Variants in PTPRN2 observed in about 807,000 individuals in gnomAD.
PTPRN2 encodes the protein protein tyrosine phosphatase receptor type N2, also known as receptor-type tyrosine-protein phosphatase N2.
Under a neutral mutation model 118.8 loss-of-function variants are expected in PTPRN2, and 74 were observed. The ratio of observed to expected loss-of-function variants is 0.62; its 90% CI spans 0.52 to 0.76. The LOEUF is 0.76. PTPRN2 is among the 30% of genes least tolerant of loss of function. The pLI is 0.00. For missense variants in PTPRN2, 1,481 were observed against 1,394.4 expected, an observed-to-expected ratio of 1.06 and a Z score of -0.99; for synonymous variants, 641 against 608.0, an observed-to-expected ratio of 1.05 and a Z score of -0.80.
chr7:158,581,360 G>C (rs976027502), intron 1 of PTPRN2, among the ~76,000 whole-genome samples: 1 of 152,196 alleles, frequency 6.6e-6, no homozygotes, highest in Non-Finnish European at 1.5e-5. Flanking sequence ...AGGGGTTCAA[G>C]ATTTGGGGGT....
At chr7:158,567,574 T>A (rs752400159) in intron 1 of PTPRN2, among the ~76,000 whole-genome samples, 5 of 152,146 alleles carry the variant, frequency 3.3e-5, no homozygotes, top group Non-Finnish European at 7.4e-5. Flanking sequence ...CACAAGTAGG[T>A]CCCCAATTAA....
chr7:157,870,641 A>T (rs1011577252), intron 12 of PTPRN2, among the ~76,000 whole-genome samples: 3 of 152,236 alleles, frequency 2.0e-5, no homozygotes, highest in Non-Finnish European at 4.4e-5. Flanking sequence ...TTTGAAATCC[A>T]TGCATAGTTT....
chr7:158,120,863 C>A (rs1032043961), intron 9 of PTPRN2, among the ~76,000 whole-genome samples: 1 of 152,176 alleles, frequency 6.6e-6, no homozygotes, highest in Non-Finnish European at 1.5e-5. Flanking sequence ...GGCGGGGCTA[C>A]AAAGACAAAC....
rs1249531237 is a variant in PTPRN2 at position 157,646,946 on chromosome 7, G to C, written c.2196+9411C>G. On this transcript the variant is annotated intron_variant, in intron 14 of 22. Coordinates refer to ENST00000389418, the MANE Select transcript of PTPRN2 (RefSeq NM_002847.5). ...AACTCGGTGGGTCAGACCCATCCAG[G>C]GTGCACTGAACTCGGTGGGTTGGAC... Among the ~76,000 whole-genome samples the C allele has an allele frequency of 2.2e-3, 253 of 112,714 alleles. 6 individuals are homozygous for C. The highest frequency in any genetic ancestry group is 0.016 in the Admixed American group (175 of 11,002). 73.9% of individuals were successfully genotyped at this position (112,714 alleles called of 152,430 possible).
rs1352635376 is a variant in PTPRN2 at position 157,845,350 on chromosome 7, A to T, written c.1788+53323T>A. Among the ~76,000 whole-genome samples the T allele has an allele frequency of 6.6e-6, 1 of 152,072 alleles. No individual in the cohort carries two copies. Among genetic ancestry groups the T allele is most frequent in the Non-Finnish European group, 1.5e-5 (1 of 68,000 alleles). On this transcript the variant is annotated intron_variant, in intron 12 of 22. Transcript: ENST00000389418. The surrounding 1 kb of genome is among the most constrained non-coding windows in gnomAD (Gnocchi z 4.5). The stretch of plus-strand genomic sequence containing the variant: ...CCCTCTTTTCCCTGGTGAATCACGC[A>T]GCCTAACTCACCATGTTCCCGGCCA...
At chr7:158,278,190 T>C (rs995140645) in intron 3 of PTPRN2, among the ~76,000 whole-genome samples, 42 of 152,144 alleles carry the variant, frequency 2.8e-4, no homozygotes, top group African/African-American at 1.0e-3. Flanking sequence ...AGGAACTTCC[T>C]TCCAGAATAC....
At chr7:158,271,360 G>A (rs112902263) in intron 3 of PTPRN2, among the ~76,000 whole-genome samples, 152 of 152,330 alleles carry the variant, frequency 1.0e-3, no homozygotes, top group African/African-American at 3.5e-3. Context: ...GATCCATACT[G>A]TTGAAGCTGG....
At chr7:158,040,345 A>T (rs1045612828) in intron 11 of PTPRN2, among the ~76,000 whole-genome samples, 1 of 152,082 alleles carries the variant, frequency 6.6e-6, no homozygotes, top group Non-Finnish European at 1.5e-5. Context: ...GGACACGCAC[A>T]CACATGCATA....
At chr7:157,832,693 AAC>A (rs1241378296) in intron 12 of PTPRN2, among the ~76,000 whole-genome samples, 2 of 152,232 alleles carry the variant, frequency 1.3e-5, no homozygotes, top group Non-Finnish European at 2.9e-5. Flanking sequence ...ACAGTTTCCA[AAC>A]ACATATGCTT....
chr7:157,754,282 G>A lies in PTPRN2; in HGVS notation c.1789-71345C>T, dbSNP rs12674419. Among the ~76,000 whole-genome samples the A allele has an allele frequency of 2.7e-3, 405 of 152,328 alleles. 9 individuals are homozygous for A. The East Asian group carries it at 0.051, about 19-fold the overall frequency. ...TGCTGCTCCTGTGGACTCACGAGCC[G>A]TCAGGACACTGAGCCACGTTACCTG... On this transcript the variant is annotated intron_variant, in intron 12 of 22. Transcript: ENST00000389418.
chr7:158,050,996 G>A (rs900165552), intron 11 of PTPRN2, among the ~76,000 whole-genome samples: 6 of 152,226 alleles, frequency 3.9e-5, no homozygotes, highest in African/African-American at 7.2e-5. Context: ...ACGCCATGGC[G>A]GTGGAGCCAC....
intron 3 of PTPRN2, among the ~76,000 whole-genome samples, chr7:158,300,550 G>GACCACAGCGCCTCGCCCGCCA (rs1800812346): frequency 8.4e-4 from 2 of 2,372 alleles, no homozygotes; most frequent in African/African-American, 1.4e-3. Flanking sequence ...CAATCTGCAC[G>GACCACAGCGCCTCGCCCGCCA]CCCACAGCGC....
At chr7:157,747,680 G>C (rs1156680510) in intron 12 of PTPRN2, among the ~76,000 whole-genome samples, 7 of 108,364 alleles carry the variant, frequency 6.5e-5, no homozygotes, top group Non-Finnish European at 1.3e-4. Context: ...GTGGGCTGTT[G>C]AGGTGATTCT....
At chr7:158,189,520 A>T (rs1825592392) in intron 5 of PTPRN2, among the ~76,000 whole-genome samples, 1 of 152,172 alleles carries the variant, frequency 6.6e-6, no homozygotes, top group Non-Finnish European at 1.5e-5. Context: ...GCCCGTGAAG[A>T]GGGCCCTTGG....
chr7:157,687,575 T>C (rs1797260598), intron 12 of PTPRN2, among the ~76,000 whole-genome samples: 1 of 152,234 alleles, frequency 6.6e-6, no homozygotes, highest in Admixed American at 6.5e-5. Context: ...TGTGTGCATT[T>C]AAATTACTAA....
At chr7:157,997,387 GA>G (rs2128854574) in intron 11 of PTPRN2, among the ~76,000 whole-genome samples, 1 of 152,380 alleles carries the variant, frequency 6.6e-6, no homozygotes, top group East Asian at 1.9e-4. Flanking sequence ...CACGGAGACA[GA>G]CCCTTGACTT....
chr7:158,151,526 C>CTGCCTCTCCCTGCCCACACCGCCCGCCT (rs1821154499), intron 6 of PTPRN2, among the ~76,000 whole-genome samples: 1 of 151,710 alleles, frequency 6.6e-6, no homozygotes, highest in African/African-American at 2.4e-5. Flanking sequence ...ACCGCACGTC[C>CTGCCTCTCCCTGCCCACACCGCCCGCCT]TACTCCAGGC....
At chr7:158,070,357 GCCC>G (rs1460271807) in intron 11 of PTPRN2, among the ~76,000 whole-genome samples, 7 of 145,154 alleles carry the variant, frequency 4.8e-5, no homozygotes, top group Non-Finnish European at 9.1e-5. Context: ...TGGTGGAGGT[GCCC>G]CTGGTGGTGG....
At chr7:158,440,725 G>A (rs1260848971) in intron 2 of PTPRN2, among the ~76,000 whole-genome samples, 1 of 148,078 alleles carries the variant, frequency 6.8e-6, no homozygotes, top group Non-Finnish European at 1.5e-5. Context: ...GGTGAAGGTG[G>A]TGGTGATGAT....
Sources: allele counts gnomAD v4.1 joint callset (sites outside exome capture counted in the v4.1 genomes callset), GRCh38; gene constraint gnomAD v4.1.1; non-coding constraint Gnocchi (gnomAD v3.1); transcripts MANE v1.5; gene names NCBI Gene and HGNC (gene_info 2026-07-23, HGNC 2026-07-21).